The following WWTR1 variants were observed in gnomAD, a reference collection of about 807,000 sequenced individuals.
WWTR1 encodes WW domain-containing transcription regulator protein 1.
In WWTR1, 13 loss-of-function variants were observed where a neutral mutation model predicts 40.1. The observed-to-expected ratio is 0.32, with a 90% confidence interval of 0.21 to 0.52. WWTR1 has a LOEUF of 0.52. WWTR1 is among the 20% of genes least tolerant of loss of function. The probability of loss-of-function intolerance (pLI) is 0.97; values close to 1 mark genes in which losing one functional copy is unlikely to be tolerated. For synonymous variants in WWTR1, 230 were observed against 210.1 expected, an observed-to-expected ratio of 1.09 and a Z score of -0.82; for missense variants, 436 against 523.1, an observed-to-expected ratio of 0.83 and a Z score of 1.63.
intron 2 of WWTR1, among the ~76,000 whole-genome samples, chr3:149,618,616 G>A (rs986398689): frequency 2.0e-5 from 3 of 152,182 alleles, no homozygotes; most frequent in African/African-American, 7.2e-5. Flanking sequence ...AAGAGAGAGA[G>A]AAAGATGTAA....
At chr3:149,622,494 G>GAAAGA (rs1560089693) in intron 2 of WWTR1, among the ~76,000 whole-genome samples, 793 of 44,432 alleles carry the variant, frequency 0.018, 7 homozygotes, top group East Asian at 0.069. Flanking sequence ...AGGAAGGAAG[G>GAAAGA]AAGGAAGGAA....
intron 2 of WWTR1, among the ~76,000 whole-genome samples, chr3:149,615,641 G>A (rs573501762): frequency 9.2e-5 from 14 of 152,224 alleles, no homozygotes; most frequent in African/African-American, 2.6e-4. Flanking sequence ...TACTTACTAC[G>A]TGCCCAGCAC....
intron 6 of WWTR1, among the ~76,000 whole-genome samples, chr3:149,523,020 C>G (rs550157233): frequency 3.8e-4 from 57 of 150,054 alleles, no homozygotes; most frequent in African/African-American, 1.3e-3. Flanking sequence ...GAGCTGAGAT[C>G]ACACCACTGC....
At chr3:149,541,642 G>C (rs913471169) in intron 4 of WWTR1, among the ~76,000 whole-genome samples, 1 of 151,916 alleles carries the variant, frequency 6.6e-6, no homozygotes, top group Admixed American at 6.6e-5. Flanking sequence ...AAGAGAGTGT[G>C]GCAAAAGCGA....
At position 149,587,892 on chromosome 3, in the gene WWTR1, G is replaced by C. The variant is rs528952561; in HGVS notation, c.432-14892C>G. Reference sequence around the variant, plus strand: ...ACAAAAGAACCTGAAAACTTACGGCGGGTTATTCTCGCATATTACTAGACT... The same window carrying C: ...ACAAAAGAACCTGAAAACTTACGGCCGGTTATTCTCGCATATTACTAGACT... On this transcript the variant is annotated intron_variant, in intron 2 of 6. Transcript: ENST00000360632. Among the ~76,000 whole-genome samples the C allele has an allele frequency of 5.9e-5, 9 of 152,170 alleles. 1 individual carries two copies. Among genetic ancestry groups the C allele is most frequent in the East Asian group, 5.8e-4 (3 of 5,190 alleles).
At chr3:149,565,202 A>T (rs527395764) in intron 3 of WWTR1, among the ~76,000 whole-genome samples, 1 of 152,196 alleles carries the variant, frequency 6.6e-6, no homozygotes, top group East Asian at 1.9e-4. Flanking sequence ...ATAAATAAAT[A>T]AATAAATTTA....
intron 2 of WWTR1, among the ~76,000 whole-genome samples, chr3:149,574,793 A>AT (rs1160993310): frequency 2.1e-5 from 3 of 142,836 alleles, no homozygotes; most frequent in Non-Finnish European, 4.6e-5. Context: ...AATAAATGTG[A>AT]TTAAAAAAAA....
At chr3:149,647,924 G>C (rs1712629432) in intron 2 of WWTR1, among the ~76,000 whole-genome samples, 1 of 152,124 alleles carries the variant, frequency 6.6e-6, no homozygotes, top group South Asian at 2.1e-4. Context: ...ACCTCAATGG[G>C]ATGCATAATC....
intron 1 of WWTR1, among the ~76,000 whole-genome samples, chr3:149,700,817 T>G (rs532969519): frequency 3.9e-5 from 6 of 152,210 alleles, no homozygotes; most frequent in African/African-American, 1.4e-4. Flanking sequence ...GAAAACCACA[T>G]AAATTAAAAA....
intron 1 of WWTR1, among the ~76,000 whole-genome samples, chr3:149,694,219 C>T (rs1714909656): frequency 6.6e-6 from 1 of 152,138 alleles, no homozygotes; most frequent in Non-Finnish European, 1.5e-5. Flanking sequence ...TGGGGAAACC[C>T]CGTCTCTACT....
At chr3:149,709,187 C>A (rs1715418284) in intron 5 of WWTR1, among the ~76,000 whole-genome samples, 1 of 151,630 alleles carries the variant, frequency 6.6e-6, no homozygotes. Context: ...GTTGCCCAGG[C>A]TGGCCTCAAA....
chr3:149,676,542 T>C (rs1714266564), intron 1 of WWTR1, among the ~76,000 whole-genome samples: 1 of 152,054 alleles, frequency 6.6e-6, no homozygotes, highest in African/African-American at 2.4e-5. Context: ...GTACATCAGG[T>C]TTTTTGCAGG....
intron 3 of WWTR1, among the ~76,000 whole-genome samples, chr3:149,569,614 A>G (rs1401238524): frequency 1.3e-5 from 2 of 152,238 alleles, no homozygotes; most frequent in Non-Finnish European, 2.9e-5. Flanking sequence ...TGATTATATC[A>G]CGGCTCTAGA....
At chr3:149,656,787 T>TCTCA (rs1713242977) in intron 2 of WWTR1, 89 bp downstream of exon 2, 7 of 857,970 alleles carry the variant, frequency 8.2e-6, no homozygotes, top group Non-Finnish European at 1.1e-5. Flanking sequence ...TCTCTCTCTC[T>TCTCA]CTCTCACACA....
At chr3:149,695,250 A>G (rs1714946827) in intron 1 of WWTR1, among the ~76,000 whole-genome samples, 1 of 152,224 alleles carries the variant, frequency 6.6e-6, no homozygotes, top group Admixed American at 6.5e-5. Flanking sequence ...ATTTGACAGC[A>G]CAACAGGGTG....
chr3:149,610,893 A>C (rs926631008), intron 2 of WWTR1, among the ~76,000 whole-genome samples: 8 of 152,120 alleles, frequency 5.3e-5, no homozygotes, highest in Non-Finnish European at 1.0e-4. Context: ...CTGTAATCCC[A>C]ACACTTTGGG....
intron 1 of WWTR1, among the ~76,000 whole-genome samples, chr3:149,694,787 T>A (rs1210720093): frequency 6.6e-6 from 1 of 152,216 alleles, no homozygotes; most frequent in Non-Finnish European, 1.5e-5. Flanking sequence ...AACTACCATA[T>A]GATCCAGCAA....
chr3:149,567,439 C>T (rs1341364427), intron 3 of WWTR1, among the ~76,000 whole-genome samples: 4 of 152,184 alleles, frequency 2.6e-5, no homozygotes, highest in Non-Finnish European at 5.9e-5. Flanking sequence ...CATCTTCTCA[C>T]AATTGCTGTC....
intron 2 of WWTR1, among the ~76,000 whole-genome samples, chr3:149,593,950 G>T (rs1199274577): frequency 6.6e-6 from 1 of 152,186 alleles, no homozygotes; most frequent in Non-Finnish European, 1.5e-5. Context: ...CCATGACGCT[G>T]GATGTTAGAG....
Sources: gnomAD v4.1 joint callset for allele counts (sites outside exome capture counted in the v4.1 genomes callset) on GRCh38, gnomAD v4.1.1 for gene constraint, MANE v1.5 for transcripts, NCBI Gene and HGNC (gene_info 2026-07-23, HGNC 2026-07-21) for gene names.